The following PUDP variants were observed in gnomAD, a reference collection of about 807,000 sequenced individuals.
The protein encoded by PUDP is pseudouridine 5'-phosphatase, also known as pseudouridine-5'-phosphatase.
Under a neutral mutation model 9.4 loss-of-function variants are expected in PUDP, and 8 were observed. The ratio of observed to expected loss-of-function variants is 0.85; its 90% CI spans 0.50 to 1.53. The LOEUF is 1.53. Among genes scored for constraint, PUDP ranks in the 40% most tolerant of loss-of-function variants. The pLI is 0.00. For synonymous variants in PUDP, 99 were observed against 80.7 expected, an observed-to-expected ratio of 1.23 and a Z score of -1.22; for missense variants, 188 against 189.7, an observed-to-expected ratio of 0.99 and a Z score of 0.05.
intron 3 of PUDP, among the ~76,000 whole-genome samples, chrX:6,814,797 C>T (rs1356949873): frequency 5.4e-5 from 6 of 111,807 alleles, no homozygotes; most frequent in Non-Finnish European, 9.4e-5. Context: ...TGTTACTCCT[C>T]TTTTTAAAAA....
chrX:6,995,949 C>G (rs374633311), intron 1 of PUDP, among the ~76,000 whole-genome samples: 42 of 108,248 alleles, frequency 3.9e-4, no homozygotes, highest in African/African-American at 1.4e-3. Flanking sequence ...CTACCACTGT[C>G]TTTTCCATCT....
At chrX:7,110,763 T>TG (rs63164361) in intron 1 of PUDP, among the ~76,000 whole-genome samples, 35,131 of 106,317 alleles carry the variant, frequency 0.33, 4,620 homozygotes, top group Middle Eastern at 0.46. Flanking sequence ...CGGGCAGGGG[T>TG]GGGGGTCACA....
intron 3 of PUDP, among the ~76,000 whole-genome samples, chrX:6,951,476 T>C (rs988126894): frequency 6.3e-5 from 7 of 111,956 alleles, no homozygotes; most frequent in African/African-American, 2.3e-4. Context: ...TCCAGCACCA[T>C]ATTTTGCTCT....
At chrX:6,841,950 G>C (rs1173266506) in intron 3 of PUDP, among the ~76,000 whole-genome samples, 1 of 111,163 alleles carries the variant, frequency 9.0e-6, no homozygotes, top group Non-Finnish European at 1.9e-5. Flanking sequence ...ATTATGTGTT[G>C]TGTGTGCTAT....
At chrX:6,866,403 C>T (rs1020850460) in intron 3 of PUDP, among the ~76,000 whole-genome samples, 6 of 111,119 alleles carry the variant, frequency 5.4e-5, no homozygotes, top group African/African-American at 2.0e-4. Context: ...AAGGAGTGCA[C>T]CCTTGCCACA....
At chrX:6,876,473 CACACAT>C (rs1569115209) in intron 3 of PUDP, among the ~76,000 whole-genome samples, 1 of 109,449 alleles carries the variant, frequency 9.1e-6, no homozygotes, top group Non-Finnish European at 1.9e-5. Flanking sequence ...TATGTATATA[CACACAT>C]ATACATATAG....
intron 1 of PUDP, among the ~76,000 whole-genome samples, chrX:7,111,298 T>C (rs1311465655): frequency 2.7e-5 from 3 of 110,851 alleles, no homozygotes; most frequent in Non-Finnish European, 5.7e-5. Context: ...TTAATACACA[T>C]GGGAAGGCCT....
intron 3 of PUDP, among the ~76,000 whole-genome samples, chrX:6,851,650 A>C (rs1272620122): frequency 8.9e-6 from 1 of 112,028 alleles, no homozygotes; most frequent in East Asian, 2.8e-4. Flanking sequence ...GATAAACTCT[A>C]TCATACGTAT....
chrX:6,837,968 T>A (rs1476509972), intron 3 of PUDP, among the ~76,000 whole-genome samples: 1 of 111,461 alleles, frequency 9.0e-6, no homozygotes, highest in African/African-American at 3.3e-5. Context: ...AATATCAATG[T>A]ATAATCAGAA....
intron 3 of PUDP, among the ~76,000 whole-genome samples, chrX:6,958,037 T>G (rs1353260718): frequency 1.8e-5 from 2 of 111,949 alleles, no homozygotes; most frequent in African/African-American, 6.5e-5. Context: ...GCAAGGCCAT[T>G]TTTACTTCCT....
intron 3 of PUDP, among the ~76,000 whole-genome samples, chrX:6,928,808 G>A (rs951903104): frequency 9.0e-6 from 1 of 111,278 alleles, no homozygotes; most frequent in African/African-American, 3.3e-5. Context: ...TGAGGTAGGA[G>A]GATCTCTTGA....
chrX:7,123,370 T>C (rs756157987), intron 1 of PUDP, among the ~76,000 whole-genome samples: 71 of 111,972 alleles, frequency 6.3e-4, no homozygotes, highest in Admixed American at 2.0e-3. Context: ...ATGTTTATCA[T>C]AGTCCACAGA....
Position 7,077,406 on chromosome X carries a change from G to A in PUDP, c.324C>T (p.Pro108=). The change falls in exon 3 of 4, where the codon CCC becomes CCT. Residue 108 remains proline (P), a synonymous_variant. Transcript: ENST00000381077. The stretch of plus-strand genomic sequence containing the variant: ...ACCCCGAGCTGGTGGCCAGTGCAAA[G>A]GGGATGCCATGTTTCCGCAGGTGGA... ...LIIHLRKHGI[P]FALATSSGSA... 1 of 1,211,360 alleles carries A rather than the reference G, an allele frequency of 8.3e-7. No homozygotes were observed.
At chrX:6,773,545 C>T (rs904708230) in intron 3 of PUDP, among the ~76,000 whole-genome samples, 1 of 111,182 alleles carries the variant, frequency 9.0e-6, no homozygotes, top group African/African-American at 3.3e-5. Context: ...GATGTGATTG[C>T]ACAGCAAACC....
intron 1 of PUDP, among the ~76,000 whole-genome samples, chrX:7,137,581 T>C (rs1325815086): frequency 3.6e-5 from 4 of 111,876 alleles, no homozygotes; most frequent in African/African-American, 1.3e-4. Context: ...AAAACCTCTG[T>C]GCTTTCTCAG....
intron 2 of PUDP, among the ~76,000 whole-genome samples, chrX:7,086,546 A>G (rs1304600723): frequency 3.6e-5 from 4 of 112,213 alleles, no homozygotes; most frequent in Non-Finnish European, 7.5e-5. Context: ...TTAATGATTT[A>G]CTGCAGAGCC....
chrX:7,057,612 A>C (rs1930278628), intron 3 of PUDP: 3 of 1,100,996 alleles, frequency 2.7e-6, no homozygotes, highest in Middle Eastern at 2.9e-4. Context: ...AAGGAGAGGT[A>C]GCTTTTGTGA....
intron 3 of PUDP, among the ~76,000 whole-genome samples, chrX:6,919,272 A>G (rs1195257503): frequency 8.9e-6 from 1 of 112,182 alleles, no homozygotes; most frequent in Non-Finnish European, 1.9e-5. Context: ...ACTGACCACC[A>G]ACATCCATTT....
intron 3 of PUDP, among the ~76,000 whole-genome samples, chrX:7,056,723 C>G (rs748885592): frequency 9.0e-6 from 1 of 111,263 alleles, no homozygotes; most frequent in African/African-American, 3.3e-5. Context: ...TGGAGGTGTC[C>G]TGGGTACAGG....
Sources: gnomAD v4.1 joint callset for allele counts (sites outside exome capture counted in the v4.1 genomes callset) on GRCh38, gnomAD v4.1.1 for gene constraint, MANE v1.5 for transcripts, NCBI Gene and HGNC (gene_info 2026-07-23, HGNC 2026-07-21) for gene names.